Variants in ZNF202 observed in about 807,000 individuals in gnomAD.
ZNF202 encodes zinc finger protein with KRAB and SCAN domains 10.
In ZNF202, 22 loss-of-function variants were observed where a neutral mutation model predicts 54.5. That is an observed-to-expected ratio of 0.40 (90% CI 0.29 to 0.58). ZNF202 has a LOEUF of 0.58. Ranked by LOEUF, ZNF202 falls within the 20% of genes least tolerant of loss-of-function variation. ZNF202 has a pLI of 0.39. For synonymous variants in ZNF202, 294 were observed against 301.4 expected, an observed-to-expected ratio of 0.98 and a Z score of 0.26; for missense variants, 644 against 805.5, an observed-to-expected ratio of 0.80 and a Z score of 2.43.
chr11:123,733,014 G>A (rs564677441), intron 3 of ZNF202, among the ~76,000 whole-genome samples: 5 of 152,126 alleles, frequency 3.3e-5, no homozygotes, highest in East Asian at 1.9e-4. Context: ...GCACTGGCAC[G>A]TAACAGGCAC....
intron 3 of ZNF202, among the ~76,000 whole-genome samples, chr11:123,735,158 G>A (rs1169018968): frequency 6.6e-6 from 1 of 152,144 alleles, no homozygotes; most frequent in African/African-American, 2.4e-5. Context: ...ACCCCTGGAA[G>A]ACAGAATTAA....
rs1414261696 is a variant in ZNF202 at position 123,726,586 on chromosome 11, T to C, written c.1358A>G (p.Tyr453Cys). The C allele has an allele frequency of 6.2e-7, 1 of 1,614,204 alleles. No homozygotes were observed. The highest frequency in any genetic ancestry group is 1.1e-5 in the South Asian group (1 of 91,082). Residue 453 changes from tyrosine to cysteine, a missense_variant, in exon 9 of 9, where the codon TAC becomes TGC. Physicochemically the swap from Tyr to Cys is radical, Grantham distance 194 (BLOSUM62 -2). Transcript: ENST00000530393. The surrounding 1 kb of genome is among the most constrained non-coding windows in gnomAD (Gnocchi z 6.0). Reference sequence around the variant, plus strand: ...ATTCTTCCGGTTTAGGGGATATTTGTAAGGCGCGTTCATCTTGTGAACCTT... The same window carrying C: ...ATTCTTCCGGTTTAGGGGATATTTGCAAGGCGCGTTCATCTTGTGAACCTT... Reference protein sequence around the residue: ...HQKVHKMNAPYKYPLNRKNLE... With the variant: ...HQKVHKMNAPCKYPLNRKNLE...
At position 123,726,299 on chromosome 11, in the gene ZNF202, G is replaced by A; in HGVS notation, c.1645C>T (p.His549Tyr). Residue 549 changes from histidine (H) to tyrosine (Y), a missense_variant, in exon 9 of 9, where the codon CAC becomes TAC. Physicochemically the swap from His to Tyr is moderately conservative, Grantham distance 83. Transcript: ENST00000530393. This position sits in a 1 kb window ranked among gnomAD's most constrained non-coding sequence, Gnocchi z 6.0. ...TTCCGGTGCGCCAGGTACCGCCTGT[G>A]TTCACTGAAGTCCTCACCACACTCT... ...CGECGEDFSEHRRYLAHRKTH... is the reference protein window; with the variant it reads ...CGECGEDFSEYRRYLAHRKTH... 1 of 1,614,214 alleles carries A rather than the reference G, an allele frequency of 6.2e-7. No homozygotes were observed. The highest frequency in any genetic ancestry group is 1.1e-5 in the South Asian group (1 of 91,088).
rs970464019 is a variant in ZNF202, at chr11:123,725,521, T to G, written c.*476A>C. ...TGGCAAAGCCATCAGGACGCAAACC[T>G]CCTGTCTTGAGTCCAGAGCTGTGTG... is the stretch of plus-strand genomic sequence containing the variant. On this transcript the variant is annotated 3_prime_UTR_variant, in exon 9 of 9. Coordinates refer to ENST00000530393, the MANE Select transcript of ZNF202 (RefSeq NM_003455.4). The G allele has an allele frequency of 6.4e-6, 1 of 156,352 alleles. No individual in the cohort carries two copies. Among genetic ancestry groups the G allele is most frequent in the Admixed American group, 6.2e-5 (1 of 16,238 alleles). The allele number at this position is 156,352 out of a possible 1,614,324, so 9.7% of individuals were successfully genotyped here.
At chr11:123,729,593 C>T in intron 5 of ZNF202, 22 bp downstream of exon 5, 2 of 1,523,582 alleles carry the variant, frequency 1.3e-6, no homozygotes, top group Non-Finnish European at 1.8e-6. Context: ...CACAATCCCC[C>T]CTTTCTGCTG....
rs532879926 is a variant in ZNF202 at position 123,730,075 on chromosome 11, T to C, written c.403-250A>G. On this transcript the variant is annotated intron_variant, in intron 4 of 8. Coordinates refer to ENST00000530393, the MANE Select transcript of ZNF202 (RefSeq NM_003455.4). This position sits in a 1 kb window ranked among gnomAD's most constrained non-coding sequence, Gnocchi z 6.0. ...CAGCCTGGGCCCCTGTCACCCAAGGTTCCTTCCCATCTCCACCTGTCCCAC... is the reference window on the plus strand; with the variant it reads ...CAGCCTGGGCCCCTGTCACCCAAGGCTCCTTCCCATCTCCACCTGTCCCAC... 1.3e-5 allele frequency among the ~76,000 whole-genome samples: 2 copies of C among 152,170 alleles called. No homozygotes were observed. Among genetic ancestry groups the C allele is most frequent in the African/African-American group, 4.8e-5 (2 of 41,552 alleles).
chr11:123,726,699 G>A lies in ZNF202; in HGVS notation c.1245C>T (p.His415=). 1.2e-6 allele frequency: 2 copies of A among 1,614,188 alleles called. No homozygotes were observed. Among genetic ancestry groups the A allele is most frequent in the Non-Finnish European group, 1.7e-6 (2 of 1,180,044 alleles). The part of the protein sequence containing the change: ...SFTCNSHLVR[H]LRTHTGEKPY... ...GTTTCTCTCCTGTGTGAGTCCTCAG[G>A]TGTCTAACAAGGTGGGAGTTACAAG... Residue 415 remains histidine, a synonymous_variant, in exon 9 of 9, where the codon CAC becomes CAT. Coordinates refer to ENST00000530393, the MANE Select transcript of ZNF202 (RefSeq NM_003455.4). This position sits in a 1 kb window ranked among gnomAD's most constrained non-coding sequence, Gnocchi z 6.0.
In ZNF202 at chr11:123,728,062, A is replaced by T. The variant is rs1861231486; in HGVS notation, c.832+71T>A. 4 of 1,551,710 alleles carry T rather than the reference A, an allele frequency of 2.6e-6. No homozygotes were observed. In the Admixed American group the frequency reaches 7.1e-5, roughly 27 times the overall value. The stretch of plus-strand genomic sequence containing the variant: ...CACTGCATACAATCTAAGGTCTAAG[A>T]TCCCCCAAAATTTCCAGCAGGAAAA... On this transcript the variant is annotated intron_variant, in intron 7 of 8. Coordinates refer to ENST00000530393, the MANE Select transcript of ZNF202 (RefSeq NM_003455.4).
chr11:123,737,365 G>A (rs991717038), intron 3 of ZNF202, among the ~76,000 whole-genome samples: 1 of 152,158 alleles, frequency 6.6e-6, no homozygotes, highest in Non-Finnish European at 1.5e-5. Flanking sequence ...AACTGTTTCT[G>A]TAAAATATTT....
intron 6 of ZNF202, 100 bp from the exon 7 acceptor site, chr11:123,728,362 T>C: frequency 1.4e-6 from 2 of 1,383,030 alleles, no homozygotes; most frequent in Non-Finnish European, 1.9e-6. Context: ...CTCTAGGAGA[T>C]GAAAGGAGCT....
chr11:123,726,674 G>T lies in ZNF202; in HGVS notation c.1270C>A (p.Pro424Thr). The part of the protein sequence containing the change: ...RHLRTHTGEK[P>T]YKCMECGKSY... ...TTTCCACATTCCATACATTTATAGGGTTTCTCTCCTGTGTGAGTCCTCAGG... is the reference window on the plus strand; with the variant it reads ...TTTCCACATTCCATACATTTATAGGTTTTCTCTCCTGTGTGAGTCCTCAGG... Residue 424 changes from proline (P) to threonine (T), a missense_variant, in exon 9 of 9, where the codon CCC becomes ACC. Around this residue, in one of 3 missense-constraint regions of ZNF202, gnomAD observed 536 missense variants for 635.3 expected, o/e 0.84. Transcript: ENST00000530393. The surrounding 1 kb of genome is among the most constrained non-coding windows in gnomAD (Gnocchi z 6.0). 6.2e-7 allele frequency: 1 copy of T among 1,614,158 alleles called. No individual in the cohort carries two copies. Among genetic ancestry groups the T allele is most frequent in the Non-Finnish European group, 8.5e-7 (1 of 1,180,038 alleles).
At chr11:123,729,902 G>T in intron 4 of ZNF202, 77 bp from the exon 5 acceptor site, 1 of 1,442,386 alleles carries the variant, frequency 6.9e-7, no homozygotes, top group South Asian at 1.4e-5. Flanking sequence ...TATTTTAGGA[G>T]AAGATGCCTA....
At chr11:123,733,389 CCT>C (rs1258056258) in intron 3 of ZNF202, among the ~76,000 whole-genome samples, 19 of 152,108 alleles carry the variant, frequency 1.2e-4, no homozygotes. Flanking sequence ...TGTAATTTTT[CCT>C]CTGCTATCTC....
intron 1 of ZNF202, among the ~76,000 whole-genome samples, chr11:123,740,746 A>T (rs955872399): frequency 6.6e-6 from 1 of 152,220 alleles, no homozygotes; most frequent in Non-Finnish European, 1.5e-5. Context: ...GAAAAACAAA[A>T]ATTAGACTGA....
chr11:123,737,279 C>A (rs1226806490), intron 3 of ZNF202, among the ~76,000 whole-genome samples: 1 of 152,182 alleles, frequency 6.6e-6, no homozygotes, highest in African/African-American at 2.4e-5. Context: ...CTAGACAGCA[C>A]AATGAATGAA....
chr11:123,731,533 T>C (rs1340337747), intron 3 of ZNF202, among the ~76,000 whole-genome samples: 1 of 152,244 alleles, frequency 6.6e-6, no homozygotes, highest in South Asian at 2.1e-4. Flanking sequence ...ACACCAACCA[T>C]GAGGGAGATG....
At chr11:123,739,820 T>A (rs758523703) in intron 3 of ZNF202, among the ~76,000 whole-genome samples, 2 of 152,222 alleles carry the variant, frequency 1.3e-5, no homozygotes, top group Non-Finnish European at 2.9e-5. Context: ...GCAGCATCAG[T>A]ACCTGAGCCT....
At position 123,726,186 on chromosome 11, in the gene ZNF202, T is replaced by C; in HGVS notation, c.1758A>G (p.Gly586=). 2 of 1,614,232 alleles carry C rather than the reference T, an allele frequency of 1.2e-6. No homozygotes were observed. Among genetic ancestry groups the C allele is most frequent in the Non-Finnish European group, 1.7e-6 (2 of 1,180,028 alleles). Reference sequence around the variant, plus strand: ...ATCGGCAGGGCCTCACTGAGGCGTGTCCTCTCAAGTGCTTGGCGAACGCTG... The same window carrying C: ...ATCGGCAGGGCCTCACTGAGGCGTGCCCTCTCAAGTGCTTGGCGAACGCTG... ...HSAAFAKHLR[G]HASVRPCRCN... Residue 586 remains glycine, a synonymous_variant, in exon 9 of 9, where the codon GGA becomes GGG. Coordinates refer to ENST00000530393, the MANE Select transcript of ZNF202 (RefSeq NM_003455.4). The surrounding 1 kb of genome is among the most constrained non-coding windows in gnomAD (Gnocchi z 6.0).
rs1020589599 is a variant in ZNF202, at chr11:123,725,220, G to A, written c.*777C>T. ...GCAACCAAGAGACTGGTTGAATAAC[G>A]GGAAGGTTAAATGCATGAGTATTTT... On this transcript the variant is annotated 3_prime_UTR_variant, in exon 9 of 9. Transcript: ENST00000530393. The A allele has an allele frequency of 3.9e-5, 6 of 152,088 alleles. No homozygotes were observed. Among genetic ancestry groups the A allele is most frequent in the African/African-American group, 1.2e-4 (5 of 41,412 alleles). 9.4% of individuals were successfully genotyped at this position (152,088 alleles called of 1,614,324 possible).
Sources: allele counts gnomAD v4.1 joint callset (sites outside exome capture counted in the v4.1 genomes callset), GRCh38; gene constraint gnomAD v4.1.1; regional missense constraint gnomAD v4.1.1; non-coding constraint Gnocchi (gnomAD v3.1); transcripts MANE v1.5; gene names NCBI Gene and HGNC (gene_info 2026-07-23, HGNC 2026-07-21).